The following SOX6 variants were observed in gnomAD, a reference collection of about 807,000 sequenced individuals.
SOX6 encodes SRY-box transcription factor 6.
A neutral mutation model predicts 97.8 loss-of-function variants in SOX6; 11 were observed. That is an observed-to-expected ratio of 0.11 (90% CI 0.07 to 0.19). The LOEUF (loss-of-function observed/expected upper bound fraction) is 0.19. Among genes scored for constraint, SOX6 ranks in the 10% least tolerant of loss-of-function variants. The pLI, the probability that SOX6 is intolerant of heterozygous loss-of-function variation, is 1.00. For missense variants in SOX6, 810 were observed against 1,039.5 expected, an observed-to-expected ratio of 0.78 and a Z score of 3.04; for synonymous variants, 360 against 371.4, an observed-to-expected ratio of 0.97 and a Z score of 0.35.
chr11:16,126,661 G>A (rs1338894327), intron 6 of SOX6, among the ~76,000 whole-genome samples: 1 of 152,106 alleles, frequency 6.6e-6, no homozygotes, highest in Non-Finnish European at 1.5e-5. Context: ...CTGTCTAGCT[G>A]AGACAAATGT....
intron 13 of SOX6, among the ~76,000 whole-genome samples, chr11:15,991,240 T>C (rs1034451544): frequency 3.8e-4 from 58 of 152,230 alleles, no homozygotes; most frequent in Admixed American, 3.5e-3. Flanking sequence ...ATTAATTTCA[T>C]TTAAAATGCA....
At chr11:16,191,679 A>C (rs1368813713) in intron 4 of SOX6, among the ~76,000 whole-genome samples, 1 of 152,090 alleles carries the variant, frequency 6.6e-6, no homozygotes, top group Non-Finnish European at 1.5e-5. Flanking sequence ...ACATAAAAAC[A>C]GAGGTAGTTT....
chr11:16,406,250 T>C (rs1044163147), intron 1 of SOX6, among the ~76,000 whole-genome samples: 1 of 152,128 alleles, frequency 6.6e-6, no homozygotes, highest in Non-Finnish European at 1.5e-5. Flanking sequence ...ATCAGTGCCA[T>C]CTGTCCTGTG....
intron 3 of SOX6, among the ~76,000 whole-genome samples, chr11:16,689,891 C>T (rs956325221): frequency 1.1e-3 from 163 of 150,056 alleles, no homozygotes; most frequent in African/African-American, 3.7e-3. Flanking sequence ...AAGATTTTGT[C>T]ACCAAGGTTA....
chr11:16,177,992 T>G (rs1851244947), intron 6 of SOX6, among the ~76,000 whole-genome samples: 1 of 151,900 alleles, frequency 6.6e-6, no homozygotes, highest in African/African-American at 2.4e-5. Context: ...AAGGGCGGGT[T>G]GTGTAGAGAC....
At chr11:16,019,055 C>G (rs1452837470) in intron 12 of SOX6, among the ~76,000 whole-genome samples, 1 of 152,050 alleles carries the variant, frequency 6.6e-6, no homozygotes, top group African/African-American at 2.4e-5. Context: ...GAGAGACAAG[C>G]CTTTTTCAAA....
intron 12 of SOX6, among the ~76,000 whole-genome samples, chr11:16,044,408 G>C (rs572366085): frequency 6.6e-6 from 1 of 152,232 alleles, no homozygotes; most frequent in East Asian, 1.9e-4. Flanking sequence ...ACTTTGAAGA[G>C]AGTTAAACTG....
intron 2 of SOX6, among the ~76,000 whole-genome samples, chr11:16,722,761 T>C (rs771854656): frequency 2.6e-5 from 4 of 151,794 alleles, no homozygotes; most frequent in Non-Finnish European, 4.4e-5. Flanking sequence ...GAAATACACA[T>C]CAAAACCACA....
At chr11:16,068,596 G>A (rs905313633) in intron 9 of SOX6, among the ~76,000 whole-genome samples, 1 of 152,118 alleles carries the variant, frequency 6.6e-6, no homozygotes, top group African/African-American at 2.4e-5. Context: ...GAGAGAACGG[G>A]AGTAGGGGAA....
chr11:16,243,957 G>A (rs961383372), intron 3 of SOX6, among the ~76,000 whole-genome samples: 1 of 151,892 alleles, frequency 6.6e-6, no homozygotes, highest in African/African-American at 2.4e-5. Context: ...CAGTTTAGAT[G>A]TATTAGAAAT....
At chr11:16,217,394 T>G (rs1852405180) in intron 4 of SOX6, among the ~76,000 whole-genome samples, 2 of 152,184 alleles carry the variant, frequency 1.3e-5, no homozygotes, top group Non-Finnish European at 2.9e-5. Flanking sequence ...TTATATAAGT[T>G]AGAAATTGCT....
intron 6 of SOX6, among the ~76,000 whole-genome samples, chr11:16,132,398 G>GAAAGAAAGAAAGAAAGA (rs1849805448): frequency 2.1e-5 from 1 of 48,128 alleles, no homozygotes; most frequent in African/African-American, 9.6e-5. Context: ...AAGAAAGAAA[G>GAAAGAAAGAAAGAAAGA]AAAAAAGAAA....
intron 4 of SOX6, among the ~76,000 whole-genome samples, chr11:16,188,384 G>A (rs534505358): frequency 1.1e-4 from 16 of 152,136 alleles, no homozygotes; most frequent in Non-Finnish European, 2.1e-4. Flanking sequence ...AAGGCTAGTC[G>A]CCAGCTACTC....
intron 13 of SOX6, among the ~76,000 whole-genome samples, chr11:16,014,128 T>C (rs1016296838): frequency 6.6e-6 from 1 of 152,032 alleles, no homozygotes; most frequent in Non-Finnish European, 1.5e-5. Flanking sequence ...GATGACACAG[T>C]AAATAACCAG....
intron 3 of SOX6, among the ~76,000 whole-genome samples, chr11:16,649,994 C>T (rs1417951125): frequency 1.3e-5 from 2 of 151,942 alleles, no homozygotes; most frequent in Admixed American, 6.6e-5. Context: ...ACTTTTATAC[C>T]AGACAAAATA....
chr11:16,552,178 T>C (rs1847696265), intron 4 of SOX6, among the ~76,000 whole-genome samples: 1 of 152,158 alleles, frequency 6.6e-6, no homozygotes. Context: ...AAAAAATTAG[T>C]ACTTTTTGAC....
At chr11:16,249,792 G>A (rs1320793148) in intron 3 of SOX6, among the ~76,000 whole-genome samples, 3 of 152,116 alleles carry the variant, frequency 2.0e-5, no homozygotes, top group Non-Finnish European at 4.4e-5. Context: ...GCAGTCTAGT[G>A]CTAACTATTG....
intron 6 of SOX6, among the ~76,000 whole-genome samples, chr11:16,154,980 T>G (rs1011135373): frequency 3.9e-5 from 6 of 152,108 alleles, no homozygotes; most frequent in Non-Finnish European, 8.8e-5. Flanking sequence ...CTATCGCTCC[T>G]TCTTTTCTGT....
rs538690595 is a variant in SOX6, at chr11:16,285,470, G to A, written c.445+32976C>T. ...AATCACTTGAACCCAGGAGGCGGAGGTGGCAGTGAGTCGAGATCGCACCAT... is the reference window on the plus strand; with the variant it reads ...AATCACTTGAACCCAGGAGGCGGAGATGGCAGTGAGTCGAGATCGCACCAT... On this transcript the variant is annotated intron_variant, in intron 3 of 15. Coordinates refer to ENST00000683767, the MANE Select transcript of SOX6 (RefSeq NM_001367873.1). Among the ~76,000 whole-genome samples, 12 of 152,192 alleles carry A rather than the reference G, an allele frequency of 7.9e-5. No homozygotes were observed. In the South Asian group the frequency reaches 2.1e-3, roughly 26 times the overall value.
Sources: gnomAD v4.1 joint callset for allele counts (sites outside exome capture counted in the v4.1 genomes callset) on GRCh38, gnomAD v4.1.1 for gene constraint, MANE v1.5 for transcripts, NCBI Gene and HGNC (gene_info 2026-07-23, HGNC 2026-07-21) for gene names.